RRAS2: variants seen among roughly 807,000 people sequenced by gnomAD.
RRAS2 encodes the protein ras-related protein R-Ras2.
RRAS2 carries 7 observed loss-of-function variants against 27.6 expected under a neutral mutation model. The ratio of observed to expected loss-of-function variants is 0.25; its 90% CI spans 0.14 to 0.48. RRAS2 has a LOEUF of 0.48. Among genes scored for constraint, RRAS2 ranks in the 20% least tolerant of loss-of-function variants. RRAS2 has a pLI of 0.99. For synonymous variants in RRAS2, 86 were observed against 90.9 expected (o/e 0.95, Z 0.31); for missense variants, 178 against 256.2 (o/e 0.69, Z 2.08).
At position 14,289,852 on chromosome 11, in the gene RRAS2, C is replaced by T. The variant is rs1427512877; in HGVS notation, c.408+4619G>A. Among the ~76,000 whole-genome samples, 2 of 152,134 alleles carry T rather than the reference C, an allele frequency of 1.3e-5. 1 individual carries two copies. Among genetic ancestry groups the T allele is most frequent in the African/African-American group, 4.8e-5 (2 of 41,478 alleles). ...CAGTGGTAGAAATGGCCAGTGCTGA[C>T]CCACAAATTCAAAGAACAAGGAGAA... On this transcript the variant is annotated intron_variant, in intron 4 of 5. Coordinates refer to ENST00000256196, the MANE Select transcript of RRAS2 (RefSeq NM_012250.6).
chr11:14,313,918 T>G (rs543278068), intron 1 of RRAS2, among the ~76,000 whole-genome samples: 2 of 152,372 alleles, frequency 1.3e-5, no homozygotes, highest in East Asian at 3.9e-4. Context: ...AATAGTCATT[T>G]GTTTACAATG....
At chr11:14,362,420 A>G (rs1406685726), upstream of RRAS2, among the ~76,000 whole-genome samples, 1 of 152,170 alleles carries the variant, frequency 6.6e-6, no homozygotes, top group African/African-American at 2.4e-5. Context: ...CAGACTTTCT[A>G]TGCCAAAATG....
intron 1 of RRAS2, among the ~76,000 whole-genome samples, chr11:14,314,654 C>T (rs1189334350): frequency 6.6e-6 from 1 of 152,054 alleles, no homozygotes; most frequent in Non-Finnish European, 1.5e-5. Flanking sequence ...AAATTATTGC[C>T]AAACCAAATC....
intron 1 of RRAS2, among the ~76,000 whole-genome samples, chr11:14,298,679 C>T (rs1425637299): frequency 2.0e-5 from 3 of 152,168 alleles, no homozygotes; most frequent in African/African-American, 7.2e-5. Flanking sequence ...ACTTTGTCTA[C>T]AGAGACCATC....
chr11:14,331,828 T>C (rs1564975330), intron 1 of RRAS2, among the ~76,000 whole-genome samples: 1 of 152,104 alleles, frequency 6.6e-6, no homozygotes, highest in Non-Finnish European at 1.5e-5. Context: ...TCCAAATATA[T>C]TAAGAAACTT....
chr11:14,346,371 C>T (rs1197898823), intron 1 of RRAS2, among the ~76,000 whole-genome samples: 1 of 152,172 alleles, frequency 6.6e-6, no homozygotes, highest in Non-Finnish European at 1.5e-5. Context: ...ATACTAGTGA[C>T]AGAGAAAAAC....
chr11:14,352,253 G>A (rs1848971749), intron 1 of RRAS2, among the ~76,000 whole-genome samples: 1 of 152,174 alleles, frequency 6.6e-6, no homozygotes, highest in Admixed American at 6.6e-5. Flanking sequence ...TAAACTGACT[G>A]CATTTTTAAT....
rs191031086 is a variant in RRAS2 at position 14,341,156 on chromosome 11, T to A, written c.108+17607A>T. Among the ~76,000 whole-genome samples, 83 of 152,286 alleles carry A rather than the reference T, an allele frequency of 5.5e-4. 1 individual carries two copies. Among genetic ancestry groups the A allele is most frequent in the African/African-American group, 1.9e-3 (77 of 41,566 alleles). ...GAAAATTCAACACTTGATGAAAATCTTCTCGGTCCAAAAGTAATCCATTTT... is the reference window on the plus strand; with the variant it reads ...GAAAATTCAACACTTGATGAAAATCATCTCGGTCCAAAAGTAATCCATTTT... On this transcript the variant is annotated intron_variant, in intron 1 of 5. Transcript: ENST00000256196.
At chr11:14,317,211 C>T (rs1342459152) in intron 1 of RRAS2, among the ~76,000 whole-genome samples, 3 of 152,170 alleles carry the variant, frequency 2.0e-5, no homozygotes, top group African/African-American at 4.8e-5. Context: ...GAATTCAAAA[C>T]GTATACACCT....
At chr11:14,284,879 CCTTTTA>C (rs1203092107) in intron 4 of RRAS2, among the ~76,000 whole-genome samples, 2 of 152,130 alleles carry the variant, frequency 1.3e-5, no homozygotes, top group Non-Finnish European at 2.9e-5. Context: ...CTTACTCCAT[CCTTTTA>C]CTTTAACCTT....
rs782539082 is a variant in RRAS2, at chr11:14,296,771, A to G, written c.109-916T>C. On this transcript the variant is annotated intron_variant, in intron 1 of 5. Transcript: ENST00000256196. ...TTGTTGTTTTTTTATCTTAAATTCT[A>G]TTCCTCTCTTCTCTGATCAAACCCT... is the stretch of plus-strand genomic sequence containing the variant. 5.9e-5 allele frequency among the ~76,000 whole-genome samples: 9 copies of G among 152,118 alleles called. 1 individual carries two copies. Among genetic ancestry groups the G allele is most frequent in the Middle Eastern group, 3.4e-3 (1 of 294 alleles).
chr11:14,344,177 C>T lies in RRAS2; in HGVS notation c.108+14586G>A, dbSNP rs547465211. On this transcript the variant is annotated intron_variant, in intron 1 of 5. Transcript: ENST00000256196. Reference sequence around the variant, plus strand: ...AAAAATTTTAAGTAGTTCACTTAAACCAACTTGTTGGCATGGAAATTCCAT... The same window carrying T: ...AAAAATTTTAAGTAGTTCACTTAAATCAACTTGTTGGCATGGAAATTCCAT... Among the ~76,000 whole-genome samples the T allele has an allele frequency of 2.6e-4, 40 of 152,224 alleles. No individual in the cohort carries two copies. In the South Asian group the frequency reaches 7.5e-3, roughly 29 times the overall value.
At chr11:14,288,605 G>C (rs1275357277) in intron 4 of RRAS2, among the ~76,000 whole-genome samples, 2 of 152,122 alleles carry the variant, frequency 1.3e-5, no homozygotes, top group East Asian at 3.8e-4. Context: ...CTCATCTCCT[G>C]GATATTCTGA....
intron 1 of RRAS2, among the ~76,000 whole-genome samples, chr11:14,297,872 T>C (rs933863134): frequency 1.3e-5 from 2 of 152,122 alleles, no homozygotes; most frequent in African/African-American, 2.4e-5. Flanking sequence ...GCATGATGTA[T>C]TGAACAAAGT....
At chr11:14,351,613 C>T (rs1374385330) in intron 1 of RRAS2, among the ~76,000 whole-genome samples, 1 of 151,900 alleles carries the variant, frequency 6.6e-6, no homozygotes, top group African/African-American at 2.4e-5. Context: ...GCCTGTAATC[C>T]CAGCTACTCG....
rs929215372 is a variant in RRAS2, at chr11:14,358,459, G to A, written c.108+304C>T. ...CGGCTCGGTGGCCCAGCCTCTCCCG[G>A]AGGTCTCTGGCCTCGGCCAGAGCAA... On this transcript the variant is annotated intron_variant, in intron 1 of 5. Coordinates refer to ENST00000256196, the MANE Select transcript of RRAS2 (RefSeq NM_012250.6). This position sits in a 1 kb window ranked among gnomAD's most constrained non-coding sequence, Gnocchi z 5.1. 2.0e-6 allele frequency: 2 copies of A among 985,334 alleles called. No homozygotes were observed. The highest frequency in any genetic ancestry group is 4.7e-5 in the South Asian group (1 of 21,286). The allele number at this position is 985,334 out of a possible 1,614,324, so 61.0% of individuals were successfully genotyped here.
At chr11:14,343,756 C>T (rs782820152) in intron 1 of RRAS2, among the ~76,000 whole-genome samples, 7 of 152,004 alleles carry the variant, frequency 4.6e-5, no homozygotes, top group Non-Finnish European at 8.8e-5. Flanking sequence ...ATCGCCTCTA[C>T]CCGGCAGAAG....
At chr11:14,337,728 C>T (rs2349297) in intron 1 of RRAS2, among the ~76,000 whole-genome samples, 10 of 152,122 alleles carry the variant, frequency 6.6e-5, no homozygotes, top group Admixed American at 1.3e-4. Context: ...CAGGCATCTG[C>T]GGGGGTTGAA....
chr11:14,283,530 T>C (rs560018321), intron 4 of RRAS2, among the ~76,000 whole-genome samples: 1 of 152,352 alleles, frequency 6.6e-6, no homozygotes, highest in African/African-American at 2.4e-5. Flanking sequence ...CAAATCTATC[T>C]GGGCTTGAAG....
Sources: allele counts gnomAD v4.1 joint callset (sites outside exome capture counted in the v4.1 genomes callset), GRCh38; gene constraint gnomAD v4.1.1; non-coding constraint Gnocchi (gnomAD v3.1); transcripts MANE v1.5; gene names NCBI Gene and HGNC (gene_info 2026-07-23, HGNC 2026-07-21).